Variants in ASAP2 observed in about 807,000 individuals in gnomAD.
ASAP2 encodes arf-GAP with SH3 domain, ANK repeat and PH domain-containing protein 2.
In ASAP2, 45 loss-of-function variants were observed where a neutral mutation model predicts 131.4. The observed-to-expected ratio is 0.34, with a 90% CI of 0.27 to 0.44. The LOEUF is 0.44. Ranked by LOEUF, ASAP2 falls within the 20% of genes least tolerant of loss-of-function variation. The probability of loss-of-function intolerance (pLI) is 1.00; values close to 1 mark genes in which losing one functional copy is unlikely to be tolerated. For missense variants in ASAP2, 1,011 were observed against 1,297.0 expected (o/e 0.78, Z 3.39); for synonymous variants, 510 against 503.0 (o/e 1.01, Z -0.19).
chr2:9,309,633 G>T (rs1558317662), intron 3 of ASAP2, among the ~76,000 whole-genome samples: 1 of 152,168 alleles, frequency 6.6e-6, no homozygotes, highest in Non-Finnish European at 1.5e-5. Context: ...GTGGTTTATT[G>T]TCTGTCCGTG....
Position 9,268,839 on chromosome 2 carries a change from G to C in ASAP2, c.127-10478G>C, listed in dbSNP as rs560977532. 6.6e-6 allele frequency among the ~76,000 whole-genome samples: 1 copy of C among 152,316 alleles called. No homozygotes were observed. Among genetic ancestry groups the C allele is most frequent in the African/African-American group, 2.4e-5 (1 of 41,570 alleles). On this transcript the variant is annotated intron_variant, in intron 1 of 27. Coordinates refer to ENST00000281419, the MANE Select transcript of ASAP2 (RefSeq NM_003887.3). This position sits in a 1 kb window ranked among gnomAD's most constrained non-coding sequence, Gnocchi z 4.1. ...GGCTGCCTGAGTGCTGCAGGCCTCT[G>C]CTCTCCCCAGGGCAGCATCTTCGGG...
At chr2:9,351,413 C>A (rs1289393742) in intron 12 of ASAP2, among the ~76,000 whole-genome samples, 1 of 152,154 alleles carries the variant, frequency 6.6e-6, no homozygotes, top group Non-Finnish European at 1.5e-5. Context: ...ACAAAAGAAT[C>A]CCCACAGAAC....
At chr2:9,264,133 A>C (rs1484982017) in intron 1 of ASAP2, among the ~76,000 whole-genome samples, 1 of 151,422 alleles carries the variant, frequency 6.6e-6, no homozygotes. Context: ...GAGAGGTTGC[A>C]GTGAGCCAAG....
At chr2:9,349,441 T>G (rs961420542) in intron 11 of ASAP2, among the ~76,000 whole-genome samples, 1 of 152,230 alleles carries the variant, frequency 6.6e-6, no homozygotes, top group Non-Finnish European at 1.5e-5. Context: ...GATCATTTGC[T>G]GTATTGGTTC....
At chr2:9,372,824 G>T (rs552240454) in intron 16 of ASAP2, among the ~76,000 whole-genome samples, 1 of 152,086 alleles carries the variant, frequency 6.6e-6, no homozygotes, top group Non-Finnish European at 1.5e-5. Context: ...ACACTCAGTC[G>T]CAGTGGGGCC....
chr2:9,275,082 G>GTTTTT (rs753527243), intron 1 of ASAP2, among the ~76,000 whole-genome samples: 2,000 of 128,802 alleles, frequency 0.016, 65 homozygotes, highest in African/African-American at 0.043. Context: ...TCATTTGTCT[G>GTTTTT]TTTTTTTTTT....
At chr2:9,214,969 C>T (rs941197532) in intron 1 of ASAP2, among the ~76,000 whole-genome samples, 6 of 152,064 alleles carry the variant, frequency 3.9e-5, no homozygotes, top group South Asian at 2.1e-4. Context: ...AATAAGATTC[C>T]GAAGGAAACT....
chr2:9,326,446 A>T (rs983756382), intron 6 of ASAP2, among the ~76,000 whole-genome samples: 1 of 149,960 alleles, frequency 6.7e-6, no homozygotes, highest in Non-Finnish European at 1.5e-5. Context: ...AATAGGTAGT[A>T]CAGACCTTCT....
chr2:9,341,588 C>T (rs1455341042), intron 9 of ASAP2, among the ~76,000 whole-genome samples: 1 of 152,184 alleles, frequency 6.6e-6, no homozygotes, highest in African/African-American at 2.4e-5. Flanking sequence ...TCACCACTTA[C>T]TTTGTGCAGG....
At chr2:9,356,707 CT>C (rs1319959075) in intron 14 of ASAP2, among the ~76,000 whole-genome samples, 1 of 152,164 alleles carries the variant, frequency 6.6e-6, no homozygotes, top group African/African-American at 2.4e-5. Context: ...AATCTGCTCT[CT>C]TCTCCCTTTA....
chr2:9,294,757 GCTT>G (rs1668049460), intron 2 of ASAP2, among the ~76,000 whole-genome samples: 1 of 152,206 alleles, frequency 6.6e-6, no homozygotes, highest in African/African-American at 2.4e-5. Flanking sequence ...AGAGTCTTCA[GCTT>G]CTCTCCTGCT....
chr2:9,351,805 G>A (rs1672351556), intron 12 of ASAP2, among the ~76,000 whole-genome samples: 1 of 152,196 alleles, frequency 6.6e-6, no homozygotes, highest in Non-Finnish European at 1.5e-5. Flanking sequence ...ACCCACAATG[G>A]CTTGCTCTTA....
chr2:9,323,255 G>T lies in ASAP2; in HGVS notation c.600+5G>T, dbSNP rs1670262640. 1.2e-6 allele frequency: 2 copies of T among 1,614,050 alleles called. No homozygotes were observed. Among genetic ancestry groups the T allele is most frequent in the Non-Finnish European group, 1.7e-6 (2 of 1,180,008 alleles). On this transcript the variant is annotated splice_donor_5th_base_variant and intron_variant, in intron 6 of 27. Coordinates refer to ENST00000281419, the MANE Select transcript of ASAP2 (RefSeq NM_003887.3). ...TTCCAGCTACAGATGTGCGAGGTAA[G>T]GCGGTGGTGAAGGCAGGTCCTACAG... is the stretch of plus-strand genomic sequence containing the variant.
intron 9 of ASAP2, among the ~76,000 whole-genome samples, chr2:9,338,305 C>G (rs1284093260): frequency 6.6e-6 from 1 of 150,628 alleles, no homozygotes; most frequent in East Asian, 1.9e-4. Flanking sequence ...CTCTCTCTCT[C>G]TCTGTCTGTC....
intron 3 of ASAP2, among the ~76,000 whole-genome samples, chr2:9,306,528 G>A (rs1335849178): frequency 2.6e-5 from 4 of 151,824 alleles, no homozygotes; most frequent in African/African-American, 9.7e-5. Context: ...GGTTCCTAGG[G>A]TGAGAGGGGC....
chr2:9,222,461 G>C (rs995951266), intron 1 of ASAP2, among the ~76,000 whole-genome samples: 2 of 152,216 alleles, frequency 1.3e-5, no homozygotes. Flanking sequence ...TGCTGTTTCT[G>C]CTGGTGAGTG....
intron 1 of ASAP2, among the ~76,000 whole-genome samples, chr2:9,238,729 A>G (rs1396085774): frequency 6.6e-6 from 1 of 152,150 alleles, no homozygotes; most frequent in Non-Finnish European, 1.5e-5. Context: ...AATTTACCCT[A>G]AGAGTACACT....
chr2:9,320,105 G>A (rs17522163), intron 4 of ASAP2, among the ~76,000 whole-genome samples, 183 bp from the exon 5 acceptor site: 28,332 of 152,132 alleles, frequency 0.19, 3,278 homozygotes, highest in Non-Finnish European at 0.27. Flanking sequence ...GAGAAAGAAA[G>A]GAAATGCCAC....
chr2:9,254,505 A>C (rs1435848274), intron 1 of ASAP2, among the ~76,000 whole-genome samples: 2 of 137,870 alleles, frequency 1.5e-5, no homozygotes, highest in Admixed American at 1.5e-4. Flanking sequence ...GGCATGCACC[A>C]CTACCCCCAG....
Sources: gnomAD v4.1 joint callset for allele counts (sites outside exome capture counted in the v4.1 genomes callset) on GRCh38, gnomAD v4.1.1 for gene constraint, Gnocchi (gnomAD v3.1) non-coding constraint, MANE v1.5 for transcripts, NCBI Gene and HGNC (gene_info 2026-07-23, HGNC 2026-07-21) for gene names.